The following SPATA17 variants were observed in gnomAD, a reference collection of about 807,000 sequenced individuals.
SPATA17 encodes the protein spermatogenesis-associated protein 17.
In SPATA17, 53 loss-of-function variants were observed where a neutral mutation model predicts 62.2. That is an observed-to-expected ratio of 0.85 (90% confidence interval 0.68 to 1.07). The LOEUF (loss-of-function observed/expected upper bound fraction) is 1.07. Among genes scored for constraint, SPATA17 ranks in the 50% least tolerant of loss-of-function variants. SPATA17 has a pLI of 0.00. For missense variants in SPATA17, 466 were observed against 425.5 expected (o/e 1.10, Z -0.84); for synonymous variants, 146 against 146.8 (o/e 0.99, Z 0.04).
At chr1:217,834,359 G>A (rs1216443221) in intron 9 of SPATA17, among the ~76,000 whole-genome samples, 1 of 152,048 alleles carries the variant, frequency 6.6e-6, no homozygotes, top group South Asian at 2.1e-4. Flanking sequence ...ACAGCATCAG[G>A]CAGGTCTTTC....
At chr1:217,778,782 G>A (rs1187074085) in intron 7 of SPATA17, among the ~76,000 whole-genome samples, 1 of 152,074 alleles carries the variant, frequency 6.6e-6, no homozygotes, top group Non-Finnish European at 1.5e-5. Context: ...GTTTTATAAT[G>A]TTATTACATT....
At position 217,852,784 on chromosome 1, in the gene SPATA17, A is replaced by G. The variant is rs1355519644; in HGVS notation, c.1006-9990A>G. Reference sequence around the variant, plus strand: ...GTTACAGTGACAAATTGGTGGGTGTAACTATGAGCTGAGGTTGCATGATTA... The same window carrying G: ...GTTACAGTGACAAATTGGTGGGTGTGACTATGAGCTGAGGTTGCATGATTA... On this transcript the variant is annotated intron_variant, in intron 9 of 10. Transcript: ENST00000366933. 2.6e-5 allele frequency among the ~76,000 whole-genome samples: 4 copies of G among 152,296 alleles called. No homozygotes were observed. The East Asian group carries it at 7.7e-4, about 29-fold the overall frequency.
chr1:217,769,997 T>C (rs1245557125), intron 6 of SPATA17, among the ~76,000 whole-genome samples: 1 of 152,220 alleles, frequency 6.6e-6, no homozygotes, highest in Non-Finnish European at 1.5e-5. Context: ...CTGGCAGTAG[T>C]ATGTCCTGAT....
At chr1:217,715,721 C>G (rs973814904) in intron 5 of SPATA17, among the ~76,000 whole-genome samples, 5 of 150,718 alleles carry the variant, frequency 3.3e-5, no homozygotes, top group African/African-American at 1.2e-4. Flanking sequence ...ATGTGAACAA[C>G]TTCTAGTTGT....
intron 5 of SPATA17, among the ~76,000 whole-genome samples, chr1:217,687,284 A>G (rs1413774584): frequency 6.6e-6 from 1 of 152,100 alleles, no homozygotes; most frequent in African/African-American, 2.4e-5. Context: ...TCTCTTTGAA[A>G]TTCATTTTTC....
chr1:217,812,970 G>A (rs1170861450), intron 9 of SPATA17, among the ~76,000 whole-genome samples: 2 of 152,100 alleles, frequency 1.3e-5, no homozygotes, highest in Non-Finnish European at 2.9e-5. Context: ...CTTATTACAG[G>A]TGAATTACAA....
chr1:217,826,763 T>C (rs759953802), intron 9 of SPATA17, among the ~76,000 whole-genome samples: 5 of 152,116 alleles, frequency 3.3e-5, no homozygotes, highest in Admixed American at 2.0e-4. Context: ...TAAAACATAA[T>C]AATTATGAAA....
chr1:217,671,699 G>T (rs1670835551), intron 4 of SPATA17, among the ~76,000 whole-genome samples: 1 of 152,106 alleles, frequency 6.6e-6, no homozygotes, highest in African/African-American at 2.4e-5. Context: ...AGAAGCATAG[G>T]GGTGGGAATG....
intron 5 of SPATA17, among the ~76,000 whole-genome samples, chr1:217,712,985 G>A (rs1558576266): frequency 6.6e-6 from 1 of 152,160 alleles, no homozygotes; most frequent in Non-Finnish European, 1.5e-5. Context: ...TATTGCCAGA[G>A]GTGTTTGGCA....
In SPATA17 at chr1:217,871,550, C is replaced by T. The variant is rs147090534; in HGVS notation, c.*4531C>T. The T allele has an allele frequency of 6.6e-6, 1 of 152,204 alleles. No homozygotes were observed. Among genetic ancestry groups the T allele is most frequent in the African/African-American group, 2.4e-5 (1 of 41,546 alleles). The allele number at this position is 152,204 out of a possible 1,614,324, so 9.4% of individuals were successfully genotyped here. A position where few individuals can be genotyped will look rare whatever the true frequency, so the allele number is the denominator to read the frequency against. On this transcript the variant is annotated 3_prime_UTR_variant, in exon 11 of 11. Coordinates refer to ENST00000366933, the MANE Select transcript of SPATA17 (RefSeq NM_138796.4). ...AGCAGTATTGCTGGATCAGAATTCA[C>T]TTTTTCCAAGTTACAGATTTTAATA...
At chr1:217,823,335 T>G (rs571305502) in intron 9 of SPATA17, among the ~76,000 whole-genome samples, 2 of 152,132 alleles carry the variant, frequency 1.3e-5, no homozygotes, top group East Asian at 3.9e-4. Context: ...TGGGTAGATA[T>G]GCTCAAATTC....
chr1:217,840,385 T>C (rs2103006422), intron 9 of SPATA17, among the ~76,000 whole-genome samples: 1 of 152,242 alleles, frequency 6.6e-6, no homozygotes, highest in South Asian at 2.1e-4. Context: ...ATTATCACTT[T>C]TAAGCCTCAG....
At chr1:217,651,479 G>A (rs1212934660) in intron 3 of SPATA17, among the ~76,000 whole-genome samples, 1 of 152,136 alleles carries the variant, frequency 6.6e-6, no homozygotes, top group Non-Finnish European at 1.5e-5. Flanking sequence ...TAGATGGTGA[G>A]CTTTTTGAGA....
intron 1 of SPATA17, among the ~76,000 whole-genome samples, chr1:217,639,228 AT>A (rs1445709480): frequency 6.6e-6 from 1 of 152,148 alleles, no homozygotes; most frequent in Non-Finnish European, 1.5e-5. Flanking sequence ...AAAAATAGTT[AT>A]TTGCCAAGGA....
At chr1:217,713,794 T>C (rs1361337103) in intron 5 of SPATA17, among the ~76,000 whole-genome samples, 1 of 152,212 alleles carries the variant, frequency 6.6e-6, no homozygotes, top group Non-Finnish European at 1.5e-5. Flanking sequence ...AAAACTGCGA[T>C]GGGATTGCAG....
At chr1:217,760,362 GA>G (rs960729441) in intron 6 of SPATA17, among the ~76,000 whole-genome samples, 4 of 152,136 alleles carry the variant, frequency 2.6e-5, no homozygotes, top group South Asian at 4.2e-4. Flanking sequence ...ACAGAAAAGT[GA>G]AAAAAATTCT....
intron 9 of SPATA17, among the ~76,000 whole-genome samples, chr1:217,850,179 C>G (rs2103011055): frequency 6.6e-6 from 1 of 152,292 alleles, no homozygotes; most frequent in East Asian, 1.9e-4. Flanking sequence ...TTTCAAAGTA[C>G]AGTCGTGTAC....
At chr1:217,854,668 C>T (rs546151521) in intron 9 of SPATA17, among the ~76,000 whole-genome samples, 6 of 152,090 alleles carry the variant, frequency 3.9e-5, no homozygotes, top group East Asian at 1.9e-4. Flanking sequence ...ATTGAATGTA[C>T]GGAGAGACCT....
intron 5 of SPATA17, among the ~76,000 whole-genome samples, chr1:217,716,284 A>G (rs1186743394): frequency 1.3e-5 from 2 of 152,212 alleles, no homozygotes; most frequent in African/African-American, 4.8e-5. Flanking sequence ...TAAAGAATAG[A>G]AACGTGAAAG....
Sources: gnomAD v4.1 joint callset for allele counts (sites outside exome capture counted in the v4.1 genomes callset) on GRCh38, gnomAD v4.1.1 for gene constraint, MANE v1.5 for transcripts, NCBI Gene and HGNC (gene_info 2026-07-23, HGNC 2026-07-21) for gene names.